Variants in CDH4 observed in about 807,000 individuals in gnomAD.
CDH4 encodes cadherin-4.
Under a neutral mutation model 86.0 loss-of-function variants are expected in CDH4, and 33 were observed. The observed-to-expected ratio is 0.38, with a 90% CI of 0.29 to 0.51. CDH4 has a LOEUF of 0.51. Ranked by LOEUF, CDH4 falls within the 20% of genes least tolerant of loss-of-function variation. The pLI is 0.86. For missense variants in CDH4, 1,114 were observed against 1,307.4 expected, an observed-to-expected ratio of 0.85 and a Z score of 2.28; for synonymous variants, 555 against 549.4, an observed-to-expected ratio of 1.01 and a Z score of -0.14.
intron 2 of CDH4, among the ~76,000 whole-genome samples, chr20:61,260,588 G>T (rs1016315910): frequency 6.6e-6 from 1 of 152,200 alleles, no homozygotes; most frequent in Admixed American, 6.5e-5. Context: ...GGTGGCTTGG[G>T]TGAGCTCAAA....
At chr20:61,847,386 G>A (rs1274913279) in intron 5 of CDH4, among the ~76,000 whole-genome samples, 2 of 152,154 alleles carry the variant, frequency 1.3e-5, no homozygotes, top group African/African-American at 4.8e-5. Flanking sequence ...GCCACTCCAG[G>A]GATCTGGGTC....
chr20:61,279,471 G>T (rs1276382973), intron 2 of CDH4, among the ~76,000 whole-genome samples: 1 of 151,938 alleles, frequency 6.6e-6, no homozygotes, highest in Non-Finnish European at 1.5e-5. Flanking sequence ...TCTTTCTCCA[G>T]CAAGAGGCTC....
chr20:61,780,304 A>C (rs1167856390), intron 4 of CDH4, among the ~76,000 whole-genome samples: 1 of 151,998 alleles, frequency 6.6e-6, no homozygotes, highest in Non-Finnish European at 1.5e-5. Context: ...CACTCCCCTC[A>C]GCCCGGCTAC....
intron 4 of CDH4, among the ~76,000 whole-genome samples, chr20:61,787,703 G>A (rs1054352846): frequency 1.3e-5 from 2 of 152,248 alleles, no homozygotes. Flanking sequence ...GGGAACCAGA[G>A]AATGTGGGAT....
At chr20:61,460,706 G>A (rs1568853208) in intron 2 of CDH4, among the ~76,000 whole-genome samples, 1 of 152,214 alleles carries the variant, frequency 6.6e-6, no homozygotes, top group Non-Finnish European at 1.5e-5. Context: ...TGCAGACCTG[G>A]CTGGCTGTTC....
chr20:61,473,642 T>C (rs1487124906), intron 2 of CDH4, among the ~76,000 whole-genome samples: 2 of 152,192 alleles, frequency 1.3e-5, no homozygotes, highest in African/African-American at 2.4e-5. Flanking sequence ...GATCTTGTAA[T>C]AAAATATGCT....
At chr20:61,494,139 T>G (rs2085643245) in intron 2 of CDH4, among the ~76,000 whole-genome samples, 1 of 152,110 alleles carries the variant, frequency 6.6e-6, no homozygotes, top group Non-Finnish European at 1.5e-5. Context: ...CCGGGCTGGG[T>G]GTGAGCCCCT....
intron 2 of CDH4, chr20:61,600,031 A>G (rs1266256161): frequency 2.4e-6 from 2 of 837,240 alleles, no homozygotes; most frequent in Non-Finnish European, 2.9e-6. Context: ...AGGGTTTATT[A>G]TAATTTAAGA....
At chr20:61,836,824 A>G (rs568043945) in intron 4 of CDH4, among the ~76,000 whole-genome samples, 125 of 152,346 alleles carry the variant, frequency 8.2e-4, no homozygotes, top group African/African-American at 2.7e-3. Context: ...CTCACGCTGG[A>G]CGGGGTTACA....
At chr20:61,768,392 G>A (rs1244472843) in intron 3 of CDH4, among the ~76,000 whole-genome samples, 6 of 152,158 alleles carry the variant, frequency 3.9e-5, no homozygotes, top group Admixed American at 3.9e-4. Flanking sequence ...ATACATGTGT[G>A]CATAGCGCCT....
intron 3 of CDH4, among the ~76,000 whole-genome samples, chr20:61,771,046 T>A (rs1475262870): frequency 6.7e-6 from 1 of 150,342 alleles, no homozygotes; most frequent in African/African-American, 2.4e-5. Flanking sequence ...GTTTCGCTCT[T>A]TTTCCCCAGG....
chr20:61,913,943 C>A (rs79697069), intron 9 of CDH4, among the ~76,000 whole-genome samples: 50 of 152,316 alleles, frequency 3.3e-4, no homozygotes, highest in Non-Finnish European at 5.9e-4. Flanking sequence ...GGTCTCCTGT[C>A]CAGCTCCACC....
intron 4 of CDH4, among the ~76,000 whole-genome samples, chr20:61,797,939 C>T (rs1979621928): frequency 1.3e-5 from 2 of 152,226 alleles, no homozygotes; most frequent in African/African-American, 4.8e-5. Flanking sequence ...CTGCGGGCCT[C>T]ACGGGGCCCT....
At chr20:61,656,276 G>A (rs1427831095) in intron 2 of CDH4, among the ~76,000 whole-genome samples, 3 of 131,394 alleles carry the variant, frequency 2.3e-5, no homozygotes, top group Non-Finnish European at 3.3e-5. Flanking sequence ...CGCGTGCTGG[G>A]GTGGGCAGGC....
At chr20:61,372,932 C>G (rs2084848324) in intron 2 of CDH4, among the ~76,000 whole-genome samples, 1 of 152,394 alleles carries the variant, frequency 6.6e-6, no homozygotes, top group East Asian at 1.9e-4. Context: ...ACACGCAACC[C>G]CAGCCCCGTG....
chr20:61,270,233 G>A (rs1467060413), intron 2 of CDH4, among the ~76,000 whole-genome samples: 2 of 152,234 alleles, frequency 1.3e-5, no homozygotes, highest in Non-Finnish European at 2.9e-5. Flanking sequence ...GGTATGATTG[G>A]ATTACGCCGT....
chr20:61,930,756 G>A (rs872835), intron 13 of CDH4, among the ~76,000 whole-genome samples: 7 of 152,330 alleles, frequency 4.6e-5, no homozygotes, highest in South Asian at 4.1e-4. Flanking sequence ...TTTGAAAGCC[G>A]TTCAGTGTCG....
chr20:61,701,617 C>G (rs994902938), intron 2 of CDH4, among the ~76,000 whole-genome samples: 4 of 152,202 alleles, frequency 2.6e-5, no homozygotes, highest in African/African-American at 9.6e-5. Context: ...CACAGCGGGT[C>G]TACGGATCAG....
chr20:61,286,245 G>A (rs947568822), intron 2 of CDH4, among the ~76,000 whole-genome samples: 31 of 152,240 alleles, frequency 2.0e-4, no homozygotes, highest in Non-Finnish European at 4.4e-5. Context: ...TGGACAGGAG[G>A]CAGTGCAGGG....
Sources: allele counts gnomAD v4.1 joint callset (sites outside exome capture counted in the v4.1 genomes callset), GRCh38; gene constraint gnomAD v4.1.1; transcripts MANE v1.5; gene names NCBI Gene and HGNC (gene_info 2026-07-23, HGNC 2026-07-21).